The following GALNT11 variants were observed in gnomAD, a reference collection of about 807,000 sequenced individuals.
The protein encoded by GALNT11 is polypeptide N-acetylgalactosaminyltransferase 11.
A neutral mutation model predicts 72.7 loss-of-function variants in GALNT11; 47 were observed. That is an observed-to-expected ratio of 0.65 (90% CI 0.51 to 0.82). GALNT11 has a LOEUF of 0.82. Among genes scored for constraint, GALNT11 ranks in the 40% least tolerant of loss-of-function variants. GALNT11 has a pLI of 0.00. For missense variants in GALNT11, 677 were observed against 778.4 expected (o/e 0.87, Z 1.55); for synonymous variants, 270 against 286.6 (o/e 0.94, Z 0.58).
At chr7:152,095,983 G>A (rs1480423833) in intron 2 of GALNT11, among the ~76,000 whole-genome samples, 1 of 152,042 alleles carries the variant, frequency 6.6e-6, no homozygotes, top group Non-Finnish European at 1.5e-5. Context: ...AGCAACAAGT[G>A]GCCTGAAAAA....
intron 1 of GALNT11, among the ~76,000 whole-genome samples, chr7:152,057,004 ATTTTTT>A (rs71198754): frequency 2.7e-5 from 2 of 74,930 alleles, no homozygotes; most frequent in Admixed American, 1.6e-4. Context: ...ATGCCCAGCT[ATTTTTT>A]TTTTTTTTTT....
chr7:152,043,090 C>T (rs985090606), intron 1 of GALNT11, among the ~76,000 whole-genome samples: 5 of 152,322 alleles, frequency 3.3e-5, no homozygotes, highest in African/African-American at 1.2e-4. Context: ...TTTAATTTCA[C>T]TTTTCCCCAT....
chr7:152,058,177 G>T (rs1039460393), intron 1 of GALNT11, among the ~76,000 whole-genome samples: 2 of 151,996 alleles, frequency 1.3e-5, no homozygotes, highest in Non-Finnish European at 1.5e-5. Flanking sequence ...AGCCCAATGT[G>T]CATGCCTTAA....
chr7:152,043,115 C>T (rs2082945736), intron 1 of GALNT11, among the ~76,000 whole-genome samples: 1 of 152,158 alleles, frequency 6.6e-6, no homozygotes, highest in Admixed American at 6.5e-5. Flanking sequence ...ACATACGGCA[C>T]AATTAGGAGC....
chr7:152,069,453 G>A (rs1315700773), intron 1 of GALNT11, among the ~76,000 whole-genome samples: 1 of 152,206 alleles, frequency 6.6e-6, no homozygotes, highest in Non-Finnish European at 1.5e-5. Flanking sequence ...GTGCTGTGCT[G>A]TTCTAGTTAT....
intron 1 of GALNT11, among the ~76,000 whole-genome samples, chr7:152,063,523 C>G (rs577317630): frequency 4.6e-5 from 7 of 152,246 alleles, no homozygotes; most frequent in Non-Finnish European, 8.8e-5. Flanking sequence ...TGTGTTTGCT[C>G]TTGCTTCTCT....
chr7:152,046,225 G>T (rs1309203783), intron 1 of GALNT11, among the ~76,000 whole-genome samples: 1 of 152,048 alleles, frequency 6.6e-6, no homozygotes, highest in East Asian at 1.9e-4. Context: ...CCTAACATAT[G>T]GTCTATCCTT....
chr7:152,112,889 A>G (rs1563080639), intron 7 of GALNT11, among the ~76,000 whole-genome samples: 1 of 152,074 alleles, frequency 6.6e-6, no homozygotes, highest in Non-Finnish European at 1.5e-5. Flanking sequence ...TTCTTAAAAG[A>G]AAATAAATAA....
chr7:152,086,343 C>T (rs750878019), intron 1 of GALNT11, among the ~76,000 whole-genome samples: 2 of 152,214 alleles, frequency 1.3e-5, no homozygotes, highest in Non-Finnish European at 2.9e-5. Context: ...TTGACCTATC[C>T]GAAAACAGAT....
chr7:152,041,976 G>A (rs924074826), intron 1 of GALNT11, among the ~76,000 whole-genome samples: 3 of 152,168 alleles, frequency 2.0e-5, no homozygotes, highest in African/African-American at 7.2e-5. Context: ...CATAATATTG[G>A]AGTAATATTT....
At chr7:152,089,582 AG>A (rs1285397143) in intron 1 of GALNT11, among the ~76,000 whole-genome samples, 1 of 152,220 alleles carries the variant, frequency 6.6e-6, no homozygotes, top group Non-Finnish European at 1.5e-5. Flanking sequence ...AATAGGTAAA[AG>A]TAATGGAAAG....
intron 8 of GALNT11, among the ~76,000 whole-genome samples, chr7:152,115,233 C>G (rs780240592): frequency 1.3e-5 from 2 of 152,166 alleles, no homozygotes; most frequent in Non-Finnish European, 2.9e-5. Flanking sequence ...GTATTTGCCT[C>G]TTTGACCGTG....
At chr7:152,031,788 G>A (rs2082314189) in intron 1 of GALNT11, among the ~76,000 whole-genome samples, 3 of 152,108 alleles carry the variant, frequency 2.0e-5, no homozygotes, top group African/African-American at 4.8e-5. Flanking sequence ...TTTGAAGGCT[G>A]TTTCTGCCTC....
At chr7:152,117,055 T>G in intron 8 of GALNT11, 102 bp from the exon 9 acceptor site, 1 of 970,926 alleles carries the variant, frequency 1.0e-6, no homozygotes, top group Non-Finnish European at 1.6e-6. Context: ...GTTATTATCA[T>G]TGTTAGTAAT....
chr7:152,100,402 C>T (rs1179952976), intron 2 of GALNT11, among the ~76,000 whole-genome samples: 1 of 151,880 alleles, frequency 6.6e-6, no homozygotes, highest in East Asian at 1.9e-4. Flanking sequence ...CCCGTCTCAA[C>T]TAAAAATACA....
intron 2 of GALNT11, among the ~76,000 whole-genome samples, chr7:152,098,058 AG>A (rs1228279330): frequency 6.6e-6 from 1 of 152,236 alleles, no homozygotes; most frequent in African/African-American, 2.4e-5. Flanking sequence ...TTAATATAGA[AG>A]GAATTAGTAT....
At chr7:152,042,945 C>T (rs555786858) in intron 1 of GALNT11, among the ~76,000 whole-genome samples, 2 of 152,270 alleles carry the variant, frequency 1.3e-5, no homozygotes, top group Non-Finnish European at 2.9e-5. Context: ...TTGAAATGTC[C>T]GCTCCTGTAT....
intron 1 of GALNT11, among the ~76,000 whole-genome samples, chr7:152,078,465 T>G (rs1007999863): frequency 6.6e-6 from 1 of 152,124 alleles, no homozygotes; most frequent in Non-Finnish European, 1.5e-5. Context: ...CCTCCCAAAG[T>G]GCTGGGATGA....
chr7:152,069,304 C>T (rs934858062), intron 1 of GALNT11, among the ~76,000 whole-genome samples: 8 of 152,144 alleles, frequency 5.3e-5, no homozygotes, highest in African/African-American at 1.7e-4. Context: ...TGTATGCTTT[C>T]TAGTCTTGAA....
Sources: gnomAD v4.1 joint callset for allele counts (sites outside exome capture counted in the v4.1 genomes callset) on GRCh38, gnomAD v4.1.1 for gene constraint, MANE v1.5 for transcripts, NCBI Gene and HGNC (gene_info 2026-07-23, HGNC 2026-07-21) for gene names.